The following TNFRSF21 variants were observed in gnomAD, a reference collection of about 807,000 sequenced individuals.
TNFRSF21 encodes the protein TNF receptor superfamily member 21, also known as tumor necrosis factor receptor superfamily member 21.
Under a neutral mutation model 45.6 loss-of-function variants are expected in TNFRSF21, and 19 were observed. That is an observed-to-expected ratio of 0.42 (90% CI 0.29 to 0.61). The LOEUF (loss-of-function observed/expected upper bound fraction) is 0.61, where lower values mean the gene tolerates loss of function less well. TNFRSF21 is among the 20% of genes least tolerant of loss of function. TNFRSF21 has a pLI of 0.23. For missense variants in TNFRSF21, 737 were observed against 851.5 expected (o/e 0.87, Z 1.67); for synonymous variants, 314 against 335.5 (o/e 0.94, Z 0.70).
chr6:47,232,506 T>C lies in TNFRSF21; in HGVS notation c.*259A>G. 1 of 417,812 alleles carries C rather than the reference T, an allele frequency of 2.4e-6. No individual in the cohort carries two copies. Among genetic ancestry groups the C allele is most frequent in the Non-Finnish European group, 4.2e-6 (1 of 236,486 alleles). 25.9% of individuals were successfully genotyped at this position (417,812 alleles called of 1,614,324 possible). On this transcript the variant is annotated 3_prime_UTR_variant, in exon 6 of 6. Coordinates refer to ENST00000296861, the MANE Select transcript of TNFRSF21 (RefSeq NM_014452.5). Reference sequence around the variant, plus strand: ...ACTTAAAAAACTTTAGTGGTGGGTATTTCACAACAGTTACACCTGGCAAAG... The same window carrying C: ...ACTTAAAAAACTTTAGTGGTGGGTACTTCACAACAGTTACACCTGGCAAAG...
chr6:47,247,180 A>C (rs2113847519), intron 4 of TNFRSF21, among the ~76,000 whole-genome samples: 1 of 152,342 alleles, frequency 6.6e-6, no homozygotes, highest in South Asian at 2.1e-4. Flanking sequence ...CTTTGTGCGC[A>C]ATGACAACTT....
In TNFRSF21 at chr6:47,244,504, C is replaced by T. The variant is rs116117052; in HGVS notation, c.1509+8752G>A. Among the ~76,000 whole-genome samples, 92 of 152,154 alleles carry T rather than the reference C, an allele frequency of 6.0e-4. 1 individual carries two copies. The highest frequency in any genetic ancestry group is 2.1e-3 in the African/African-American group (87 of 41,520). ...TCTTTTGATTTGTATACGGTGTTTT[C>T]TGGCTTGTGTATTTATTGTTAAGTA... On this transcript the variant is annotated intron_variant, in intron 4 of 5. Transcript: ENST00000296861.
rs750794151 is a variant in TNFRSF21 at position 47,232,838 on chromosome 6, A to G, written c.1895T>C (p.Ile632Thr). The G allele has an allele frequency of 6.8e-6, 11 of 1,614,070 alleles. No individual in the cohort carries two copies. The highest frequency in any genetic ancestry group is 1.7e-5 in the Admixed American group (1 of 60,004). Reference sequence around the variant, plus strand: ...GCTGGCTTCCTGGCTCTTGACTCCAATAATTTCGAATAGCCGGTCTAGTTT... The same window carrying G: ...GCTGGCTTCCTGGCTCTTGACTCCAGTAATTTCGAATAGCCGGTCTAGTTT... ...EDKLDRLFEI[I>T]GVKSQEASQT... Residue 632 changes from isoleucine (I) to threonine (T), a missense_variant, in exon 6 of 6, where the codon ATT (isoleucine) becomes ACT (threonine). By Grantham distance (89) the Ile-to-Thr change is moderately conservative (BLOSUM62 -1). Coordinates refer to ENST00000296861, the MANE Select transcript of TNFRSF21 (RefSeq NM_014452.5).
chr6:47,297,277 G>C (rs1189297443), intron 1 of TNFRSF21, among the ~76,000 whole-genome samples: 1 of 152,118 alleles, frequency 6.6e-6, no homozygotes, highest in Non-Finnish European at 1.5e-5. Flanking sequence ...CTCCTCATTA[G>C]TATAAAGGAG....
chr6:47,261,995 C>A (rs1466497217), intron 3 of TNFRSF21, among the ~76,000 whole-genome samples: 1 of 152,208 alleles, frequency 6.6e-6, no homozygotes, highest in Non-Finnish European at 1.5e-5. Flanking sequence ...CCTTCCCTAA[C>A]TGAGGTGTAA....
At position 47,301,831 on chromosome 6, in the gene TNFRSF21, T is replaced by C. The variant is rs975449749; in HGVS notation, c.96+7585A>G. On this transcript the variant is annotated intron_variant, in intron 1 of 5. Transcript: ENST00000296861. ...AACCATGAGTGAAATAAACCTCTTT[T>C]CTTTATAAATGACCCAGTCTTGGGT... Among the ~76,000 whole-genome samples the C allele has an allele frequency of 8.5e-5, 13 of 152,324 alleles. No homozygotes were observed. The South Asian group carries it at 2.7e-3, about 32-fold the overall frequency.
rs561472335 is a variant in TNFRSF21, at chr6:47,240,026, G to A, written c.1510-5128C>T. Among the ~76,000 whole-genome samples, 157 of 152,026 alleles carry A rather than the reference G, an allele frequency of 1.0e-3. 2 individuals carry two copies. Among genetic ancestry groups the A allele is most frequent in the African/African-American group, 3.7e-3 (154 of 41,460 alleles). ...TAATTAATGACTTTGATGCATCAGC[G>A]ACCCCCTGAAATGAAGCATTAATTG... On this transcript the variant is annotated intron_variant, in intron 4 of 5. Transcript: ENST00000296861.
chr6:47,289,535 C>T (rs1762692646), intron 1 of TNFRSF21, among the ~76,000 whole-genome samples: 1 of 152,116 alleles, frequency 6.6e-6, no homozygotes, highest in Admixed American at 6.5e-5. Context: ...CTGGAAAAAA[C>T]CTCCTGCTTG....
intron 4 of TNFRSF21, among the ~76,000 whole-genome samples, chr6:47,252,218 A>G (rs1764910071): frequency 6.6e-6 from 1 of 152,232 alleles, no homozygotes; most frequent in Non-Finnish European, 1.5e-5. Context: ...ATGATAGTAA[A>G]CTGAATTGAT....
intron 3 of TNFRSF21, among the ~76,000 whole-genome samples, chr6:47,257,362 T>A (rs1370053093): frequency 6.6e-6 from 1 of 152,222 alleles, no homozygotes; most frequent in African/African-American, 2.4e-5. Context: ...TATGAAAACA[T>A]GGAGTCAACT....
At chr6:47,285,019 T>C (rs1762625219) in intron 2 of TNFRSF21, among the ~76,000 whole-genome samples, 1 of 152,170 alleles carries the variant, frequency 6.6e-6, no homozygotes, top group African/African-American at 2.4e-5. Context: ...CCATAAGTAA[T>C]TTTCATTAAG....
At chr6:47,281,228 CAG>C (rs1469174902) in intron 3 of TNFRSF21, among the ~76,000 whole-genome samples, 3 of 151,806 alleles carry the variant, frequency 2.0e-5, no homozygotes, top group Non-Finnish European at 2.9e-5. Context: ...GCTAAAGTAT[CAG>C]GGGATAAAAG....
chr6:47,281,491 CT>C (rs1279186436), intron 3 of TNFRSF21, among the ~76,000 whole-genome samples: 1 of 152,092 alleles, frequency 6.6e-6, no homozygotes, highest in Non-Finnish European at 1.5e-5. Flanking sequence ...AGTGATTCTC[CT>C]GCCCTAGCCT....
At position 47,284,154 on chromosome 6, in the gene TNFRSF21, G is replaced by T. The variant is rs1232042535; in HGVS notation, c.1027C>A (p.His343Asn). The change falls in exon 3 of 6, where the codon CAT becomes AAT. Residue 343 changes from histidine to asparagine, a missense_variant. Physicochemically the swap from His to Asn is moderately conservative, Grantham distance 68. Transcript: ENST00000296861. Reference protein sequence around the residue: ...RGHPRQNLHKHFDINEHLPWM... With the variant: ...RGHPRQNLHKNFDINEHLPWM... ...GGCAAATGCTCATTGATGTCAAAAT[G>T]CTTGTGTAGGTTCTGTCTAGGATGT... 1 of 1,614,212 alleles carries T rather than the reference G, an allele frequency of 6.2e-7. No homozygotes were observed. Among genetic ancestry groups the T allele is most frequent in the Admixed American group, 1.7e-5 (1 of 60,034 alleles).
chr6:47,266,645 A>T (rs1377676455), intron 3 of TNFRSF21, among the ~76,000 whole-genome samples: 2 of 152,224 alleles, frequency 1.3e-5, no homozygotes, highest in African/African-American at 4.8e-5. Flanking sequence ...TCGACCACCA[A>T]GCCAGCTGGT....
At chr6:47,275,471 A>C (rs891462051) in intron 3 of TNFRSF21, among the ~76,000 whole-genome samples, 2 of 152,144 alleles carry the variant, frequency 1.3e-5, no homozygotes, top group Admixed American at 6.6e-5. Context: ...ACTTGGACAC[A>C]GGGTGGGGAA....
chr6:47,307,066 T>C lies in TNFRSF21; in HGVS notation c.96+2350A>G, dbSNP rs141119298. ...TGGACTTGGGCATGCAGAATAAGAA[T>C]GTGAAAGACAAAAGGCATTTCCTCC... On this transcript the variant is annotated intron_variant, in intron 1 of 5. Coordinates refer to ENST00000296861, the MANE Select transcript of TNFRSF21 (RefSeq NM_014452.5). 6.2e-4 allele frequency among the ~76,000 whole-genome samples: 95 copies of C among 152,310 alleles called. 1 individual carries two copies. The highest frequency in any genetic ancestry group is 2.2e-3 in the African/African-American group (92 of 41,558).
chr6:47,253,122 A>C, intron 4 of TNFRSF21, 134 bp downstream of exon 4: 1 of 1,034,958 alleles, frequency 9.7e-7, no homozygotes, highest in Non-Finnish European at 1.4e-6. Context: ...GTGTGTGTGC[A>C]GGCGTATGCG....
intron 4 of TNFRSF21, among the ~76,000 whole-genome samples, chr6:47,252,517 C>T (rs1250051523): frequency 6.6e-6 from 1 of 152,196 alleles, no homozygotes; most frequent in Non-Finnish European, 1.5e-5. Context: ...AGAACACTTT[C>T]AATGAGTCAG....
Sources: allele counts gnomAD v4.1 joint callset (sites outside exome capture counted in the v4.1 genomes callset), GRCh38; gene constraint gnomAD v4.1.1; transcripts MANE v1.5; gene names NCBI Gene and HGNC (gene_info 2026-07-23, HGNC 2026-07-21).